The following FLACC1 variants were observed in gnomAD, a reference collection of about 807,000 sequenced individuals.
FLACC1 encodes the protein flagellum associated containing coiled-coil domains 1, also known as flagellum-associated coiled-coil domain-containing protein 1.
Under a neutral mutation model 62.8 loss-of-function variants are expected in FLACC1, and 66 were observed. The observed-to-expected ratio is 1.05, with a 90% CI of 0.86 to 1.29. The LOEUF is 1.29. FLACC1 is among the 50% of genes most tolerant of loss of function. The pLI, the probability that FLACC1 is intolerant of heterozygous loss-of-function variation, is 0.00. For missense variants in FLACC1, 452 were observed against 489.1 expected (o/e 0.92, Z 0.71); for synonymous variants, 156 against 161.0 (o/e 0.97, Z 0.24).
rs781209384 is a variant in FLACC1 at position 201,289,453 on chromosome 2, G to A, written c.1142+4C>T. The A allele has an allele frequency of 3.9e-5, 63 of 1,612,224 alleles. No individual in the cohort carries two copies. Among genetic ancestry groups the A allele is most frequent in the East Asian group, 6.7e-5 (3 of 44,890 alleles). On this transcript the variant is annotated splice_donor_region_variant and intron_variant, in intron 14 of 14. Transcript: ENST00000392257. ...AGCTATGTCTTTTTCAGCAGCAGCC[G>A]CACTTCAGATGAATGTTCTCTTCCG...
At chr2:201,302,250 T>C (rs1360640841) in intron 11 of FLACC1, among the ~76,000 whole-genome samples, 1 of 151,540 alleles carries the variant, frequency 6.6e-6, no homozygotes, top group South Asian at 2.1e-4. Context: ...AACAAAAAAA[T>C]GGAAAACAAA....
chr2:201,355,915 T>C (rs1465164401), intron 1 of FLACC1, among the ~76,000 whole-genome samples: 2 of 152,090 alleles, frequency 1.3e-5, no homozygotes, highest in Non-Finnish European at 2.9e-5. Context: ...TGAACACCCA[T>C]GGGAGTGATA....
Position 201,289,529 on chromosome 2 carries a change from G to A in FLACC1, c.1070C>T (p.Thr357Ile). 6.2e-7 allele frequency: 1 copy of A among 1,614,166 alleles called. No individual in the cohort carries two copies. The highest frequency in any genetic ancestry group is 8.5e-7 in the Non-Finnish European group (1 of 1,180,030). Residue 357 changes from threonine to isoleucine, a missense_variant, in exon 14 of 15, where the codon ACC (threonine) becomes ATC (isoleucine). Around this residue, in one of 3 missense-constraint regions of FLACC1, gnomAD observed 301 missense variants for 318.4 expected, o/e 0.95. Coordinates refer to ENST00000392257, the MANE Select transcript of FLACC1 (RefSeq NM_001127391.3). ...CTTTTCTTCAGTTTCAGCAAACTTG[G>A]TTTGAAGCATTTTCTCCAGATTTCC... ...IVGNLEKMLQ[T>I]KFAETEEKYK...
chr2:201,349,441 A>G (rs1192870936), intron 3 of FLACC1, among the ~76,000 whole-genome samples: 1 of 152,076 alleles, frequency 6.6e-6, no homozygotes, highest in Non-Finnish European at 1.5e-5. Context: ...TCTATGTAGC[A>G]CTTGCCAACC....
chr2:201,348,079 A>G (rs1284660670), intron 4 of FLACC1, 175 bp downstream of exon 4: 3 of 543,862 alleles, frequency 5.5e-6, no homozygotes, highest in Non-Finnish European at 6.3e-6. Context: ...GCTGAGTTCA[A>G]GTCGTGGTTC....
intron 1 of FLACC1, among the ~76,000 whole-genome samples, chr2:201,355,957 C>G (rs1014823574): frequency 6.6e-6 from 1 of 152,112 alleles, no homozygotes; most frequent in African/African-American, 2.4e-5. Flanking sequence ...TAAGACAAGG[C>G]TATTGAATAA....
Position 201,351,366 on chromosome 2 carries a change from G to T in FLACC1, c.39C>A (p.Asp13Glu), listed in dbSNP as rs762804897. 9 of 1,614,006 alleles carry T rather than the reference G, an allele frequency of 5.6e-6. No homozygotes were observed. Among genetic ancestry groups the T allele is most frequent in the Non-Finnish European group, 7.6e-6 (9 of 1,180,040 alleles). The stretch of plus-strand genomic sequence containing the variant: ...GCTTCCGTGGTCCCAAGTTCCAGGG[G>T]TCCCAGCAGGTGCAGTAGATGAGAG... ...PNPLIYCTCW[D>E]PWNLGPRKLI... Residue 13 changes from aspartate to glutamate, a missense_variant, in exon 2 of 15, where the codon GAC (aspartate) becomes GAA (glutamate). Physicochemically the swap from Asp to Glu is conservative, Grantham distance 45 (BLOSUM62 2). Transcript: ENST00000392257.
intron 10 of FLACC1, among the ~76,000 whole-genome samples, chr2:201,308,183 T>A (rs1352429271): frequency 6.6e-6 from 1 of 152,216 alleles, no homozygotes; most frequent in African/African-American, 2.4e-5. Flanking sequence ...CTGAGCTGGA[T>A]GGTGAGCAGC....
At chr2:201,292,317 C>G (rs1242068539) in intron 12 of FLACC1, among the ~76,000 whole-genome samples, 1 of 152,242 alleles carries the variant, frequency 6.6e-6, no homozygotes, top group African/African-American at 2.4e-5. Context: ...ATCAGACTAA[C>G]AGCAGATCTG....
chr2:201,291,409 C>T (rs1308704787), intron 12 of FLACC1, among the ~76,000 whole-genome samples: 2 of 152,218 alleles, frequency 1.3e-5, no homozygotes, highest in East Asian at 3.8e-4. Context: ...GATACCCAGG[C>T]AAACAGGGTC....
intron 4 of FLACC1, among the ~76,000 whole-genome samples, chr2:201,347,910 C>T (rs957167753): frequency 1.2e-4 from 18 of 152,314 alleles, no homozygotes; most frequent in African/African-American, 3.6e-4. Flanking sequence ...CCCCAGCTTT[C>T]GTTAGTTCCC....
At chr2:201,359,758 C>T (rs1249493583), upstream of FLACC1, among the ~76,000 whole-genome samples, 1 of 152,084 alleles carries the variant, frequency 6.6e-6, no homozygotes, top group Non-Finnish European at 1.5e-5. Context: ...TGCTTCAACT[C>T]TGAGCACCAT....
intron 9 of FLACC1, among the ~76,000 whole-genome samples, chr2:201,313,983 T>G (rs545446968): frequency 1.3e-5 from 2 of 152,200 alleles, no homozygotes; most frequent in African/African-American, 2.4e-5. Flanking sequence ...CAGCTTGGGC[T>G]CTCAGGAAGG....
intron 11 of FLACC1, among the ~76,000 whole-genome samples, chr2:201,305,472 T>C (rs1367506293): frequency 1.3e-5 from 2 of 152,162 alleles, no homozygotes; most frequent in Non-Finnish European, 2.9e-5. Context: ...AGGAACACTT[T>C]TACACTGTTG....
chr2:201,328,161 G>C (rs1950530211), intron 9 of FLACC1, among the ~76,000 whole-genome samples: 1 of 151,904 alleles, frequency 6.6e-6, no homozygotes, highest in Non-Finnish European at 1.5e-5. Flanking sequence ...GGGGGAGGTG[G>C]GAGAGTGGCT....
At chr2:201,307,700 A>T in intron 10 of FLACC1, 78 bp from the exon 11 acceptor site, 1 of 1,055,576 alleles carries the variant, frequency 9.5e-7, no homozygotes, top group Non-Finnish European at 1.5e-6. Context: ...GAATATCTAA[A>T]GATAAAAGCA....
At chr2:201,361,010 G>A (rs7590604), upstream of FLACC1, among the ~76,000 whole-genome samples, 3,884 of 152,214 alleles carry the variant, frequency 0.026, 169 homozygotes, top group African/African-American at 0.088. Flanking sequence ...CCCAGGAGGC[G>A]GAGGTTGCAG....
chr2:201,296,143 C>G (rs1312991143), intron 12 of FLACC1, among the ~76,000 whole-genome samples: 1 of 152,124 alleles, frequency 6.6e-6, no homozygotes, highest in East Asian at 1.9e-4. Flanking sequence ...CCCATTTGGC[C>G]CAGCCATCCC....
chr2:201,289,978 G>A, intron 12 of FLACC1, 193 bp from the exon 13 acceptor site: 1 of 929,522 alleles, frequency 1.1e-6, no homozygotes, highest in East Asian at 2.5e-5. Context: ...CCTCACCAGA[G>A]CTCATATGAA....
Sources: gnomAD v4.1 joint callset for allele counts (sites outside exome capture counted in the v4.1 genomes callset) on GRCh38, gnomAD v4.1.1 for gene constraint, gnomAD v4.1.1 regional missense constraint, MANE v1.5 for transcripts, NCBI Gene and HGNC (gene_info 2026-07-23, HGNC 2026-07-21) for gene names.